The following DHX15 variants were observed in gnomAD, a reference collection of about 807,000 sequenced individuals.
The protein encoded by DHX15 is ATP-dependent RNA helicase DHX15.
A neutral mutation model predicts 94.4 loss-of-function variants in DHX15; 11 were observed. The ratio of observed to expected loss-of-function variants is 0.12; its 90% CI spans 0.07 to 0.19. The LOEUF is 0.19. Among genes scored for constraint, DHX15 ranks in the 10% least tolerant of loss-of-function variants. DHX15 has a pLI of 1.00. For synonymous variants in DHX15, 338 were observed against 329.9 expected (o/e 1.02, Z -0.27); for missense variants, 304 against 988.5 (o/e 0.31, Z 9.29).
intron 6 of DHX15, among the ~76,000 whole-genome samples, chr4:24,543,694 G>A (rs1721364825): frequency 6.6e-6 from 1 of 152,084 alleles, no homozygotes; most frequent in Admixed American, 6.5e-5. Context: ...AGCTTGTTTG[G>A]TATACGTGCA....
chr4:24,531,801 A>G (rs964494298), intron 12 of DHX15, among the ~76,000 whole-genome samples: 1 of 152,186 alleles, frequency 6.6e-6, no homozygotes, highest in Non-Finnish European at 1.5e-5. Flanking sequence ...TATAGTTAAG[A>G]GTTTCAAGAA....
chr4:24,582,769 T>C (rs1418365631), intron 1 of DHX15, among the ~76,000 whole-genome samples: 1 of 152,200 alleles, frequency 6.6e-6, no homozygotes, highest in Non-Finnish European at 1.5e-5. Flanking sequence ...GAGCCGCGTA[T>C]AGTCTTTTTT....
intron 3 of DHX15, among the ~76,000 whole-genome samples, chr4:24,563,027 GTTGA>G (rs757430225): frequency 3.9e-5 from 6 of 152,024 alleles, no homozygotes; most frequent in African/African-American, 7.2e-5. Flanking sequence ...ACAAAATGGT[GTTGA>G]TTAATGTTAA....
chr4:24,559,375 T>TA (rs535455690), intron 3 of DHX15, among the ~76,000 whole-genome samples: 14,047 of 93,232 alleles, frequency 0.15, 1,187 homozygotes, highest in African/African-American at 0.28. Flanking sequence ...TTTAAGCCAC[T>TA]AAAAAAAAAA....
intron 2 of DHX15, 68 bp from the exon 3 acceptor site, chr4:24,570,915 C>A: frequency 6.8e-7 from 1 of 1,469,818 alleles, no homozygotes; most frequent in Non-Finnish European, 9.3e-7. Flanking sequence ...TAACATAAAG[C>A]ACTTTATCTC....
intron 3 of DHX15, among the ~76,000 whole-genome samples, chr4:24,562,994 C>T (rs1577345443): frequency 6.6e-6 from 1 of 152,064 alleles, no homozygotes; most frequent in East Asian, 1.9e-4. Flanking sequence ...AAATGGAATT[C>T]CAAACAAATG....
At chr4:24,570,039 A>T (rs1286721181) in intron 3 of DHX15, among the ~76,000 whole-genome samples, 1 of 152,270 alleles carries the variant, frequency 6.6e-6, no homozygotes, top group Non-Finnish European at 1.5e-5. Context: ...CAGGTAGCAT[A>T]CATCATAACT....
chr4:24,579,552 A>C (rs924968233), intron 1 of DHX15, among the ~76,000 whole-genome samples: 1 of 152,204 alleles, frequency 6.6e-6, no homozygotes, highest in African/African-American at 2.4e-5. Flanking sequence ...GACATGACAC[A>C]GTTGTTGAAC....
intron 6 of DHX15, among the ~76,000 whole-genome samples, chr4:24,543,432 T>C (rs1295350769): frequency 6.6e-6 from 1 of 152,172 alleles, no homozygotes; most frequent in African/African-American, 2.4e-5. Flanking sequence ...GGGCAATATT[T>C]ACAAATGAAA....
rs1560765763 is a variant in DHX15 at position 24,547,913 on chromosome 4, A to ATC, written c.1248+941_1248+942insGA. Among the ~76,000 whole-genome samples the ATC allele has an allele frequency of 2.2e-3, 71 of 32,128 alleles. 4 individuals carry two copies. Among genetic ancestry groups the ATC allele is most frequent in the African/African-American group, 9.1e-3 (69 of 7,550 alleles). The allele number at this position is 32,128 out of a possible 152,430, so 21.1% of individuals were successfully genotyped here. ...TCTATGTATGTATGTGTATATATAT[A>ATC]TATATATATATATATATATATATAT... is the stretch of plus-strand genomic sequence containing the variant. On this transcript the variant is annotated intron_variant, in intron 6 of 13. Transcript: ENST00000336812.
intron 5 of DHX15, among the ~76,000 whole-genome samples, chr4:24,553,917 A>G (rs1267908552): frequency 6.6e-6 from 1 of 151,748 alleles, no homozygotes; most frequent in Non-Finnish European, 1.5e-5. Context: ...ATTGAAAAGA[A>G]GCTTAGAAAC....
chr4:24,583,153 C>T (rs1354258952), intron 1 of DHX15, among the ~76,000 whole-genome samples: 1 of 152,172 alleles, frequency 6.6e-6, no homozygotes, highest in South Asian at 2.1e-4. Context: ...TAAAATGATA[C>T]AATTATGCAA....
At chr4:24,538,507 G>C (rs1200239315) in intron 10 of DHX15, 1 of 152,094 alleles carries the variant, frequency 6.6e-6, no homozygotes, top group Non-Finnish European at 1.5e-5. Flanking sequence ...AAGGCCTCTA[G>C]ATTTGCACTG....
At chr4:24,572,535 T>A (rs1722146226) in intron 2 of DHX15, among the ~76,000 whole-genome samples, 1 of 152,214 alleles carries the variant, frequency 6.6e-6, no homozygotes, top group Admixed American at 6.5e-5. Context: ...TCAGGACCCC[T>A]GTGCACTCAC....
intron 3 of DHX15, among the ~76,000 whole-genome samples, chr4:24,557,979 CA>C (rs58623833): frequency 0.49 from 62,022 of 127,336 alleles, 13,886 homozygotes; most frequent in East Asian, 0.64. Context: ...ATTTGCAAGG[CA>C]AAAAAAAAAA....
At chr4:24,542,868 A>T in intron 7 of DHX15, 72 bp downstream of exon 7, 2 of 1,071,090 alleles carry the variant, frequency 1.9e-6, no homozygotes, top group Non-Finnish European at 2.8e-6. Flanking sequence ...GGTAAATTTT[A>T]GCCATTAAAT....
chr4:24,539,077 A>G lies in DHX15; in HGVS notation c.1786+1031T>C, dbSNP rs376779784. Reference sequence around the variant, plus strand: ...AAAGTGACTCAATACTGCCCTGCCCATCTGCTCTGAGTCTGATCAGTCATA... The same window carrying G: ...AAAGTGACTCAATACTGCCCTGCCCGTCTGCTCTGAGTCTGATCAGTCATA... On this transcript the variant is annotated intron_variant, in intron 10 of 13. Coordinates refer to ENST00000336812, the MANE Select transcript of DHX15 (RefSeq NM_001358.3). 1.1e-4 allele frequency: 17 copies of G among 152,318 alleles called. No homozygotes were observed. The East Asian group carries it at 2.9e-3, about 26-fold the overall frequency. The allele number at this position is 152,318 out of a possible 1,614,324, so 9.4% of individuals were successfully genotyped here. A position where few individuals can be genotyped will look rare whatever the true frequency, so the allele number is the denominator to read the frequency against.
At chr4:24,551,809 T>A (rs1424535591) in intron 5 of DHX15, among the ~76,000 whole-genome samples, 1 of 152,152 alleles carries the variant, frequency 6.6e-6, no homozygotes, top group Non-Finnish European at 1.5e-5. Flanking sequence ...GAAAAATAAA[T>A]GCTCAGAAAT....
At chr4:24,528,235 A>C (rs1459385305) in intron 13 of DHX15, among the ~76,000 whole-genome samples, 194 bp from the exon 14 acceptor site, 1 of 152,218 alleles carries the variant, frequency 6.6e-6, no homozygotes, top group East Asian at 1.9e-4. Flanking sequence ...TTATTTAGTA[A>C]GATGTGAATT....
Sources: gnomAD v4.1 joint callset for allele counts (sites outside exome capture counted in the v4.1 genomes callset) on GRCh38, gnomAD v4.1.1 for gene constraint, MANE v1.5 for transcripts, NCBI Gene and HGNC (gene_info 2026-07-23, HGNC 2026-07-21) for gene names.